The following FBN1 variants were observed in gnomAD, a reference collection of about 807,000 sequenced individuals.
FBN1 encodes fibrillin 1, also known as fibrillin-1.
In FBN1, 29 loss-of-function variants were observed where a neutral mutation model predicts 365.1. The observed-to-expected ratio is 0.08, with a 90% CI of 0.06 to 0.11. The LOEUF is 0.11. Among genes scored for constraint, FBN1 ranks in the 10% least tolerant of loss-of-function variants. The pLI is 1.00. For synonymous variants in FBN1, 1,210 were observed against 1,270.5 expected, an observed-to-expected ratio of 0.95 and a Z score of 1.01; for missense variants, 2,476 against 3,703.2, an observed-to-expected ratio of 0.67 and a Z score of 8.60.
rs1215981836 is a variant in FBN1 at position 48,531,461 on chromosome 15, ATTCC to A, written c.862+2615_862+2618del. ...GAAAAAATTCTATGAAAAGTACTCA[ATTCC>A]TTCCCCTCCAAGTCTAAAGGAAGCT... On this transcript the variant is annotated intron_variant, in intron 8 of 65. Transcript: ENST00000316623. Among the ~76,000 whole-genome samples the A allele has an allele frequency of 4.6e-5, 7 of 152,312 alleles. No homozygotes were observed. The East Asian group carries it at 1.2e-3, about 25-fold the overall frequency.
rs370287674 is a variant in FBN1 at position 48,463,895 on chromosome 15, T to A, written c.5065+4A>T. 6.2e-7 allele frequency: 1 copy of A among 1,609,966 alleles called. No homozygotes were observed. The highest frequency in any genetic ancestry group is 1.1e-5 in the South Asian group (1 of 90,268). On this transcript the variant is annotated splice_donor_region_variant and intron_variant, in intron 41 of 65. Transcript: ENST00000316623. ...ATGCATTACTGAGAAAAGCTTGGACTTACCCATGCAATTATTTCCCCCATT... is the reference window on the plus strand; with the variant it reads ...ATGCATTACTGAGAAAAGCTTGGACATACCCATGCAATTATTTCCCCCATT...
At chr15:48,580,047 A>C (rs931860440) in intron 6 of FBN1, among the ~76,000 whole-genome samples, 1 of 152,212 alleles carries the variant, frequency 6.6e-6, no homozygotes, top group Admixed American at 6.6e-5. Flanking sequence ...TGAAGTTAAA[A>C]AAAGCTTGAA....
intron 44 of FBN1, 132 bp downstream of exon 44, chr15:48,456,505 A>G (rs1337717647): frequency 1.0e-6 from 1 of 952,536 alleles, no homozygotes; most frequent in Admixed American, 1.8e-5. Flanking sequence ...GTTGTTCCAC[A>G]CCATGCCCTT....
At chr15:48,420,839 C>G (rs2042935534) in intron 62 of FBN1, 33 bp from the exon 63 acceptor site, 1 of 1,611,818 alleles carries the variant, frequency 6.2e-7, no homozygotes. Flanking sequence ...ATGATGCCAA[C>G]TCAACATCTC....
At chr15:48,528,948 G>T (rs556654489) in intron 8 of FBN1, 3 of 152,208 alleles carry the variant, frequency 2.0e-5, no homozygotes, top group African/African-American at 7.2e-5. Flanking sequence ...CCAGAATAAG[G>T]TGTTTGAATA....
intron 46 of FBN1, among the ~76,000 whole-genome samples, chr15:48,447,731 C>T (rs1274735929): frequency 2.0e-5 from 3 of 152,064 alleles, no homozygotes; most frequent in Non-Finnish European, 2.9e-5. Context: ...AGCTAGGATT[C>T]CCTTTCTTTT....
chr15:48,552,276 CT>C (rs71432262), intron 6 of FBN1, among the ~76,000 whole-genome samples: 252 of 139,902 alleles, frequency 1.8e-3, no homozygotes, highest in East Asian at 6.6e-3. Context: ...CTTTTTTTTT[CT>C]TTTTTTTTTT....
chr15:48,563,624 C>T (rs973682136), intron 6 of FBN1, among the ~76,000 whole-genome samples: 1 of 152,184 alleles, frequency 6.6e-6, no homozygotes, highest in South Asian at 2.1e-4. Context: ...AGCCAACTCT[C>T]CTGTGCCATT....
chr15:48,430,200 G>A (rs1483092601), intron 56 of FBN1, among the ~76,000 whole-genome samples: 5 of 152,176 alleles, frequency 3.3e-5, no homozygotes, highest in African/African-American at 1.2e-4. Context: ...AATCAGCTGA[G>A]GAGCTTTAAA....
chr15:48,516,569 T>G (rs1420675438), intron 10 of FBN1, among the ~76,000 whole-genome samples: 1 of 152,112 alleles, frequency 6.6e-6, no homozygotes, highest in Non-Finnish European at 1.5e-5. Flanking sequence ...GAACAATAAT[T>G]CAAATCCAAA....
chr15:48,523,689 C>A (rs1222017812), intron 9 of FBN1, among the ~76,000 whole-genome samples: 1 of 138,334 alleles, frequency 7.2e-6, no homozygotes, highest in African/African-American at 3.0e-5. Context: ...CGTTAGGCAG[C>A]AGTGCCACAC....
At chr15:48,541,732 T>TTC (rs2044059422) in intron 6 of FBN1, among the ~76,000 whole-genome samples, 2 of 151,210 alleles carry the variant, frequency 1.3e-5, no homozygotes, top group South Asian at 4.2e-4. Flanking sequence ...ATACTCTTTT[T>TTC]TTTTTTTTTT....
intron 41 of FBN1, 139 bp downstream of exon 41, chr15:48,463,760 A>C: frequency 1.0e-6 from 1 of 959,294 alleles, no homozygotes; most frequent in African/African-American, 1.6e-5. Context: ...ATAGGGGAAG[A>C]GTCTCCTAAC....
At chr15:48,465,422 CAT>C in intron 40 of FBN1, 144 bp downstream of exon 40, 4 of 863,932 alleles carry the variant, frequency 4.6e-6, no homozygotes, top group Non-Finnish European at 7.5e-6. Flanking sequence ...CAAATTGCCA[CAT>C]GTGAGACATA....
At chr15:48,612,189 A>G (rs376311986) in intron 3 of FBN1, among the ~76,000 whole-genome samples, 2 of 152,226 alleles carry the variant, frequency 1.3e-5, no homozygotes, top group African/African-American at 4.8e-5. Context: ...AGAAACAGTT[A>G]AACTTTTTCA....
intron 49 of FBN1, 129 bp downstream of exon 49, chr15:48,444,412 T>C: frequency 9.5e-7 from 1 of 1,050,336 alleles, no homozygotes; most frequent in Non-Finnish European, 1.5e-6. Flanking sequence ...GACCATGTCA[T>C]ACCTATGCCC....
At chr15:48,487,282 A>T in intron 28 of FBN1, 30 bp downstream of exon 28, 1 of 1,614,224 alleles carries the variant, frequency 6.2e-7, no homozygotes, top group Non-Finnish European at 8.5e-7. Flanking sequence ...ACTGACCACA[A>T]GTAAATGGTG....
At chr15:48,516,083 T>G in intron 11 of FBN1, 100 bp downstream of exon 11, 1 of 1,192,708 alleles carries the variant, frequency 8.4e-7, no homozygotes, top group South Asian at 1.3e-5. Context: ...TATAACAATT[T>G]ACAAACTTAT....
intron 42 of FBN1, among the ~76,000 whole-genome samples, chr15:48,460,931 A>G (rs1338977561): frequency 6.6e-6 from 1 of 152,118 alleles, no homozygotes; most frequent in African/African-American, 2.4e-5. Flanking sequence ...AACAGATAAT[A>G]AAGGATGAAC....
Sources: allele counts gnomAD v4.1 joint callset (sites outside exome capture counted in the v4.1 genomes callset), GRCh38; gene constraint gnomAD v4.1.1; transcripts MANE v1.5; gene names NCBI Gene and HGNC (gene_info 2026-07-23, HGNC 2026-07-21).